Variants in SPOCK3 observed in about 807,000 individuals in gnomAD.
The protein encoded by SPOCK3 is testican-3.
In SPOCK3, 30 loss-of-function variants were observed where a neutral mutation model predicts 56.6. The ratio of observed to expected loss-of-function variants is 0.53; its 90% CI spans 0.40 to 0.72. SPOCK3 has a LOEUF of 0.72. Ranked by LOEUF, SPOCK3 falls within the 30% of genes least tolerant of loss-of-function variation. The pLI is 0.00. For synonymous variants in SPOCK3, 196 were observed against 183.3 expected, an observed-to-expected ratio of 1.07 and a Z score of -0.56; for missense variants, 527 against 530.0, an observed-to-expected ratio of 0.99 and a Z score of 0.06.
chr4:167,165,426 A>T (rs1291320389), intron 2 of SPOCK3, among the ~76,000 whole-genome samples: 3 of 152,162 alleles, frequency 2.0e-5, no homozygotes, highest in African/African-American at 7.2e-5. Flanking sequence ...TCAAAATAAG[A>T]CATTTATGCA....
At chr4:166,870,131 G>T (rs1238104826) in intron 6 of SPOCK3, among the ~76,000 whole-genome samples, 1 of 152,052 alleles carries the variant, frequency 6.6e-6, no homozygotes, top group Non-Finnish European at 1.5e-5. Context: ...TTAGGAGAAG[G>T]ACTTCACCAG....
intron 4 of SPOCK3, among the ~76,000 whole-genome samples, chr4:166,962,303 T>A (rs1251867650): frequency 1.3e-5 from 2 of 152,136 alleles, no homozygotes; most frequent in Non-Finnish European, 2.9e-5. Flanking sequence ...GATATTTAGA[T>A]GTCCTCTCAG....
At chr4:166,806,111 A>AT (rs1051088312) in intron 6 of SPOCK3, among the ~76,000 whole-genome samples, 10 of 152,068 alleles carry the variant, frequency 6.6e-5, no homozygotes, top group African/African-American at 2.4e-4. Context: ...AAACAAGAAT[A>AT]TTTTTCTTAA....
In SPOCK3 at chr4:167,014,276, G is replaced by GTTTT. The variant is rs35966501; in HGVS notation, c.236-13817_236-13814dup. Among the ~76,000 whole-genome samples, 51 of 138,926 alleles carry GTTTT rather than the reference G, an allele frequency of 3.7e-4. 2 individuals are homozygous for GTTTT. In the South Asian group the frequency reaches 8.9e-3, roughly 24 times the overall value. 91.1% of individuals were successfully genotyped at this position (138,926 alleles called of 152,430 possible). A position where few individuals can be genotyped will look rare whatever the true frequency, so the allele number is the denominator to read the frequency against. On this transcript the variant is annotated intron_variant, in intron 3 of 10. Transcript: ENST00000357545. ...ATAAATTCTACTTTTTCTTGAGTGG[G>GTTTT]TTTTTTTTTTTTTGTCTATTTTAAG...
intron 7 of SPOCK3, among the ~76,000 whole-genome samples, chr4:166,778,696 T>G (rs1739837975): frequency 6.6e-6 from 1 of 151,894 alleles, no homozygotes; most frequent in African/African-American, 2.4e-5. Context: ...GAACCAGCAC[T>G]GCTGCAGATA....
At chr4:167,140,087 G>A (rs896306402) in intron 2 of SPOCK3, among the ~76,000 whole-genome samples, 1 of 152,068 alleles carries the variant, frequency 6.6e-6, no homozygotes, top group South Asian at 2.1e-4. Flanking sequence ...AAAGAATCCG[G>A]CTGCTCAGTC....
At chr4:166,838,234 G>A (rs1746840800) in intron 6 of SPOCK3, among the ~76,000 whole-genome samples, 1 of 152,040 alleles carries the variant, frequency 6.6e-6, no homozygotes, top group African/African-American at 2.4e-5. Context: ...ATTTTCCACT[G>A]TTATTTTCTC....
chr4:166,864,239 C>A (rs557932795), intron 6 of SPOCK3, among the ~76,000 whole-genome samples: 1 of 152,134 alleles, frequency 6.6e-6, no homozygotes. Context: ...CCAATGAGAA[C>A]AAAGAGACAA....
At chr4:167,204,773 TG>T (rs1250072080) in intron 2 of SPOCK3, among the ~76,000 whole-genome samples, 1 of 151,528 alleles carries the variant, frequency 6.6e-6, no homozygotes, top group African/African-American at 2.4e-5. Flanking sequence ...TTTTTCGGGG[TG>T]GGGGGCGACG....
chr4:167,107,900 T>C (rs1248805599), intron 2 of SPOCK3, among the ~76,000 whole-genome samples: 1 of 151,752 alleles, frequency 6.6e-6, no homozygotes, highest in Non-Finnish European at 1.5e-5. Context: ...AAGTGAAAGA[T>C]TCCTTCTCAC....
intron 3 of SPOCK3, among the ~76,000 whole-genome samples, chr4:167,039,100 T>C (rs898690388): frequency 2.6e-5 from 4 of 152,190 alleles, no homozygotes; most frequent in Non-Finnish European, 5.9e-5. Context: ...TCCATGCTTC[T>C]GTCCTAGCTT....
intron 3 of SPOCK3, among the ~76,000 whole-genome samples, chr4:167,057,869 AC>A (rs1458226976): frequency 7.9e-5 from 12 of 152,168 alleles, no homozygotes; most frequent in Non-Finnish European, 1.6e-4. Flanking sequence ...TCAACATTAG[AC>A]AGATCAACAA....
intron 2 of SPOCK3, among the ~76,000 whole-genome samples, chr4:167,202,453 T>C (rs553740747): frequency 1.2e-4 from 19 of 152,136 alleles, no homozygotes; most frequent in African/African-American, 4.1e-4. Flanking sequence ...GTGACCATTT[T>C]AACTAGTTAG....
At chr4:167,222,637 T>C (rs1020800303) in intron 2 of SPOCK3, among the ~76,000 whole-genome samples, 1 of 140,250 alleles carries the variant, frequency 7.1e-6, no homozygotes, top group Non-Finnish European at 1.5e-5. Context: ...CATAGATATA[T>C]ATTATATATT....
chr4:167,223,031 T>TTATATTTTATATATGAATA (rs1349612531), intron 2 of SPOCK3, among the ~76,000 whole-genome samples: 12 of 113,590 alleles, frequency 1.1e-4, no homozygotes, highest in South Asian at 1.0e-3. Flanking sequence ...ATATAATATA[T>TTATATTTTATATATGAATA]TATATTTTAT....
intron 6 of SPOCK3, among the ~76,000 whole-genome samples, chr4:166,873,565 G>A (rs1009046927): frequency 3.3e-5 from 5 of 151,966 alleles, no homozygotes; most frequent in Admixed American, 6.6e-5. Flanking sequence ...CATAAACTGC[G>A]GCACAAATAA....
In SPOCK3 at chr4:166,733,474, T is replaced by A. The variant is rs1268419335; in HGVS notation, c.*1447A>T. ...TTTATTACGTAAAGTCAACATTAAA[T>A]TTTGTATTGAGTGTGTATAAATTAA... On this transcript the variant is annotated 3_prime_UTR_variant, in exon 11 of 11. Coordinates refer to ENST00000357545, the MANE Select transcript of SPOCK3 (RefSeq NM_001040159.2). The A allele has an allele frequency of 1.3e-5, 2 of 151,884 alleles. No individual in the cohort carries two copies. The highest frequency in any genetic ancestry group is 2.4e-5 in the African/African-American group (1 of 41,440). 9.4% of individuals were successfully genotyped at this position (151,884 alleles called of 1,614,324 possible).
intron 6 of SPOCK3, among the ~76,000 whole-genome samples, chr4:166,821,357 G>A (rs1744922651): frequency 6.6e-6 from 1 of 152,004 alleles, no homozygotes; most frequent in African/African-American, 2.4e-5. Context: ...GTAAAATGGT[G>A]AAGACATTTT....
chr4:166,900,284 G>A (rs1460750187), intron 5 of SPOCK3, among the ~76,000 whole-genome samples: 1 of 152,136 alleles, frequency 6.6e-6, no homozygotes, highest in African/African-American at 2.4e-5. Flanking sequence ...GGCCGGCAAG[G>A]TAGTTAAGCA....
Sources: allele counts gnomAD v4.1 joint callset (sites outside exome capture counted in the v4.1 genomes callset), GRCh38; gene constraint gnomAD v4.1.1; transcripts MANE v1.5; gene names NCBI Gene and HGNC (gene_info 2026-07-23, HGNC 2026-07-21).